The following GBE1 variants were observed in gnomAD, a reference collection of about 807,000 sequenced individuals.
GBE1 encodes 1,4-alpha-glucan-branching enzyme.
GBE1 carries 70 observed loss-of-function variants against 88.8 expected under a neutral mutation model. The observed-to-expected ratio is 0.79, with a 90% confidence interval of 0.65 to 0.96. The LOEUF is 0.96. Ranked by LOEUF, GBE1 falls within the 40% of genes least tolerant of loss-of-function variation. The pLI is 0.00. For synonymous variants in GBE1, 284 were observed against 300.1 expected, an observed-to-expected ratio of 0.95 and a Z score of 0.56; for missense variants, 872 against 871.0, an observed-to-expected ratio of 1.00 and a Z score of -0.01.
chr3:81,566,207 A>G (rs1417475599), intron 12 of GBE1, among the ~76,000 whole-genome samples: 2 of 152,168 alleles, frequency 1.3e-5, no homozygotes, highest in Non-Finnish European at 2.9e-5. Context: ...ACGACCTCTT[A>G]AAATTCTCTC....
At chr3:81,528,421 T>C (rs935362827) in intron 14 of GBE1, among the ~76,000 whole-genome samples, 1 of 151,966 alleles carries the variant, frequency 6.6e-6, no homozygotes, top group Non-Finnish European at 1.5e-5. Context: ...AACAAAAGAA[T>C]GTTCCATGAG....
chr3:81,563,272 A>G (rs1265415888), intron 12 of GBE1, among the ~76,000 whole-genome samples: 1 of 152,162 alleles, frequency 6.6e-6, no homozygotes, highest in African/African-American at 2.4e-5. Flanking sequence ...TGAGCCAAAT[A>G]ACAAGCATTA....
At chr3:81,577,584 T>A (rs1002960879) in intron 12 of GBE1, among the ~76,000 whole-genome samples, 1 of 152,124 alleles carries the variant, frequency 6.6e-6, no homozygotes, top group Non-Finnish European at 1.5e-5. Flanking sequence ...GATAATTATA[T>A]CTTTCTTAGA....
intron 1 of GBE1, among the ~76,000 whole-genome samples, chr3:81,752,748 A>C (rs1246890759): frequency 2.0e-5 from 3 of 152,140 alleles, no homozygotes; most frequent in Non-Finnish European, 4.4e-5. Context: ...ACTCCTACTA[A>C]CAAAAAAAAA....
chr3:81,574,498 T>C (rs1703618485), intron 12 of GBE1, among the ~76,000 whole-genome samples: 1 of 152,016 alleles, frequency 6.6e-6, no homozygotes, highest in South Asian at 2.1e-4. Context: ...AAGGCACAGA[T>C]TCCAACCCAA....
rs1485622999 is a variant in GBE1, at chr3:81,579,965, AACAGGCAGC to A, written c.1446+1191_1446+1199del. 2.0e-5 allele frequency among the ~76,000 whole-genome samples: 3 copies of A among 152,136 alleles called. No homozygotes were observed. In the East Asian group the frequency reaches 5.8e-4, roughly 29 times the overall value. On this transcript the variant is annotated intron_variant, in intron 11 of 15. Transcript: ENST00000429644. ...TGTTCCAAGTAACCTTATTTACAAAAACAGGCAGCAGGTAGGATTTGGCCCATGGGCCTT... is the reference window on the plus strand; with the variant it reads ...TGTTCCAAGTAACCTTATTTACAAAAAGGTAGGATTTGGCCCATGGGCCTT...
chr3:81,547,519 C>T (rs1216546608), intron 12 of GBE1, among the ~76,000 whole-genome samples: 1 of 151,336 alleles, frequency 6.6e-6, no homozygotes, highest in African/African-American at 2.4e-5. Flanking sequence ...GGCTTTGGTG[C>T]AGCCAGCCGG....
intron 7 of GBE1, among the ~76,000 whole-genome samples, chr3:81,596,525 C>A (rs1703959088): frequency 6.6e-6 from 1 of 151,742 alleles, no homozygotes; most frequent in South Asian, 2.1e-4. Context: ...AAATAACTAG[C>A]CTTTGTTGCA....
rs550710879 is a variant in GBE1 at position 81,733,696 on chromosome 3, G to A, written c.143+27679C>T. ...AACTGCCCCTCCACACTCAATTCCCGTTTTTATTATATTCTTCTATGTTTT... is the reference window on the plus strand; with the variant it reads ...AACTGCCCCTCCACACTCAATTCCCATTTTTATTATATTCTTCTATGTTTT... On this transcript the variant is annotated intron_variant, in intron 1 of 15. Coordinates refer to ENST00000429644, the MANE Select transcript of GBE1 (RefSeq NM_000158.4). This position sits in a 1 kb window ranked among gnomAD's most constrained non-coding sequence, Gnocchi z 4.0. Among the ~76,000 whole-genome samples, 26 of 151,998 alleles carry A rather than the reference G, an allele frequency of 1.7e-4. No individual in the cohort carries two copies. Among genetic ancestry groups the A allele is most frequent in the South Asian group, 4.1e-4 (2 of 4,822 alleles).
At chr3:81,541,602 G>A (rs943887448) in intron 12 of GBE1, among the ~76,000 whole-genome samples, 1 of 151,974 alleles carries the variant, frequency 6.6e-6, no homozygotes, top group African/African-American at 2.4e-5. Context: ...GCCCCAGAGA[G>A]CTGCCTTGTT....
intron 12 of GBE1, among the ~76,000 whole-genome samples, chr3:81,538,148 TAATTA>T (rs931299995): frequency 6.6e-6 from 1 of 152,018 alleles, no homozygotes; most frequent in African/African-American, 2.4e-5. Flanking sequence ...CGCAAATTTC[TAATTA>T]ATTTTATAAA....
chr3:81,674,820 G>T (rs1705231263), intron 2 of GBE1, among the ~76,000 whole-genome samples: 1 of 151,782 alleles, frequency 6.6e-6, no homozygotes, highest in South Asian at 2.1e-4. Flanking sequence ...AATTAATTAT[G>T]TAATGCAAAG....
rs142454280 is a variant in GBE1 at position 81,573,139 on chromosome 3, C to T, written c.1618+4786G>A. Among the ~76,000 whole-genome samples the T allele has an allele frequency of 1.8e-3, 271 of 152,166 alleles. 2 individuals are homozygous for T. The highest frequency in any genetic ancestry group is 6.5e-3 in the African/African-American group (268 of 41,472). On this transcript the variant is annotated intron_variant, in intron 12 of 15. Transcript: ENST00000429644. ...ACATAACCATTAATACTAGTTCTAA[C>T]TGAAGAGTTAACAATATTTTAAAGT...
At chr3:81,575,008 A>T (rs1703625835) in intron 12 of GBE1, among the ~76,000 whole-genome samples, 1 of 151,998 alleles carries the variant, frequency 6.6e-6, no homozygotes, top group Non-Finnish European at 1.5e-5. Flanking sequence ...ACTAAAAAAT[A>T]CAAAAAATTA....
At chr3:81,728,666 T>A in intron 1 of GBE1, among the ~76,000 whole-genome samples, 2 of 149,214 alleles carry the variant, frequency 1.3e-5, no homozygotes, top group Non-Finnish European at 1.5e-5. Flanking sequence ...GAAGAGAGAG[T>A]GAAAAAAGGA....
chr3:81,567,543 T>C (rs926768460), intron 12 of GBE1, among the ~76,000 whole-genome samples: 3 of 152,208 alleles, frequency 2.0e-5, no homozygotes, highest in African/African-American at 7.2e-5. Context: ...ACTCCTCACC[T>C]TCACTTCTAA....
chr3:81,696,060 TA>T (rs1356300998), intron 2 of GBE1, among the ~76,000 whole-genome samples: 1 of 152,052 alleles, frequency 6.6e-6, no homozygotes, highest in African/African-American at 2.4e-5. Flanking sequence ...TATTCAAGCT[TA>T]AAAGTACCTC....
intron 1 of GBE1, among the ~76,000 whole-genome samples, chr3:81,750,069 A>G (rs1326123012): frequency 6.6e-6 from 1 of 152,122 alleles, no homozygotes; most frequent in Admixed American, 6.6e-5. Flanking sequence ...TCCTATTACT[A>G]GTAAGCACAA....
At chr3:81,670,991 T>A in intron 2 of GBE1, 38 bp from the exon 3 acceptor site, 2 of 876,634 alleles carry the variant, frequency 2.3e-6, no homozygotes, top group Non-Finnish European at 3.4e-6. Context: ...AACAGCATGA[T>A]AGGACTAATA....
Sources: allele counts gnomAD v4.1 joint callset (sites outside exome capture counted in the v4.1 genomes callset), GRCh38; gene constraint gnomAD v4.1.1; non-coding constraint Gnocchi (gnomAD v3.1); transcripts MANE v1.5; gene names NCBI Gene and HGNC (gene_info 2026-07-23, HGNC 2026-07-21).